The following ZBTB46 variants were observed in gnomAD, a reference collection of about 807,000 sequenced individuals.
ZBTB46 encodes zinc finger and BTB domain-containing protein 46.
In ZBTB46, 8 loss-of-function variants were observed where a neutral mutation model predicts 44.1. The ratio of observed to expected loss-of-function variants is 0.18; its 90% confidence interval spans 0.11 to 0.33. The LOEUF (loss-of-function observed/expected upper bound fraction) is 0.33. ZBTB46 is among the 10% of genes least tolerant of loss of function. ZBTB46 has a pLI of 1.00. For synonymous variants in ZBTB46, 409 were observed against 382.3 expected (o/e 1.07, Z -0.81); for missense variants, 651 against 847.7 (o/e 0.77, Z 2.88).
chr20:63,780,202 CAG>C (rs2092457737), intron 2 of ZBTB46, among the ~76,000 whole-genome samples: 1 of 148,872 alleles, frequency 6.7e-6, no homozygotes, highest in Non-Finnish European at 1.5e-5. Flanking sequence ...ACCAGGGAGA[CAG>C]AGGTTGCGGT....
intron 1 of ZBTB46, among the ~76,000 whole-genome samples, chr20:63,815,782 A>G (rs1161652839): frequency 1.1e-4 from 13 of 121,048 alleles, no homozygotes; most frequent in African/African-American, 4.2e-4. Flanking sequence ...ACAAGTGCAG[A>G]AGGTGCAGGT....
In ZBTB46 at chr20:63,795,222, G is replaced by A. The variant is rs150781190; in HGVS notation, c.-33-4432C>T. On this transcript the variant is annotated intron_variant, in intron 1 of 4. Transcript: ENST00000245663. ...CTTCCCTTCAAACAGAATCGCTTAT[G>A]AAACGGGCATCAGCATAACCACTCT... 2.5e-3 allele frequency among the ~76,000 whole-genome samples: 377 copies of A among 152,334 alleles called. 2 individuals carry two copies. Among genetic ancestry groups the A allele is most frequent in the African/African-American group, 8.6e-3 (359 of 41,574 alleles).
At chr20:63,830,933 G>GC (rs1218994635) in intron 1 of ZBTB46, among the ~76,000 whole-genome samples, 164 bp downstream of exon 1, 1 of 141,552 alleles carries the variant, frequency 7.1e-6, no homozygotes, top group Non-Finnish European at 1.6e-5. Context: ...AGCGCCGATG[G>GC]CCCCCGGGAG....
intron 1 of ZBTB46, among the ~76,000 whole-genome samples, chr20:63,811,011 C>G (rs2092714615): frequency 6.6e-6 from 1 of 152,248 alleles, no homozygotes; most frequent in South Asian, 2.1e-4. Flanking sequence ...CACTGGAGAG[C>G]ACCAGCCGGC....
chr20:63,809,806 A>G (rs532830450), intron 1 of ZBTB46, among the ~76,000 whole-genome samples: 15 of 152,148 alleles, frequency 9.9e-5, no homozygotes, highest in Middle Eastern at 3.4e-3. Context: ...TACAAAAAAT[A>G]GAAAAAATTA....
In ZBTB46 at chr20:63,787,737, G is replaced by A. The variant is rs535712190; in HGVS notation, c.937+2084C>T. On this transcript the variant is annotated intron_variant, in intron 2 of 4. Transcript: ENST00000245663. The surrounding 1 kb of genome is among the most constrained non-coding windows in gnomAD (Gnocchi z 4.6). Reference sequence around the variant, plus strand: ...AGCAACGCGTGACTTTAATGCCAGTGAAATGTACATTTGAAAATGGTTAAA... The same window carrying A: ...AGCAACGCGTGACTTTAATGCCAGTAAAATGTACATTTGAAAATGGTTAAA... 6.6e-6 allele frequency: 1 copy of A among 152,340 alleles called. No individual in the cohort carries two copies. Among genetic ancestry groups the A allele is most frequent in the African/African-American group, 2.4e-5 (1 of 41,574 alleles). 9.4% of individuals were successfully genotyped at this position (152,340 alleles called of 1,614,324 possible). A position where few individuals can be genotyped will look rare whatever the true frequency, so the allele number is the denominator to read the frequency against.
At chr20:63,822,556 C>T (rs2092798174) in intron 1 of ZBTB46, among the ~76,000 whole-genome samples, 1 of 152,194 alleles carries the variant, frequency 6.6e-6, no homozygotes. Context: ...CTTCCTCACC[C>T]TCCCACGCTT....
In ZBTB46 at chr20:63,767,415, G is replaced by A. The variant is rs1322991743; in HGVS notation, c.1222+8263C>T. 6.6e-6 allele frequency among the ~76,000 whole-genome samples: 1 copy of A among 152,148 alleles called. No individual in the cohort carries two copies. The highest frequency in any genetic ancestry group is 2.4e-5 in the African/African-American group (1 of 41,408). On this transcript the variant is annotated intron_variant, in intron 3 of 4. Coordinates refer to ENST00000245663, the MANE Select transcript of ZBTB46 (RefSeq NM_001369741.1). The surrounding 1 kb of genome is among the most constrained non-coding windows in gnomAD (Gnocchi z 5.0). The stretch of plus-strand genomic sequence containing the variant: ...TGCCTTCACCTGGCAGCAGCCGGCA[G>A]AGGACTCGAGAAATGACCACAGAAA...
At chr20:63,766,839 G>A (rs2092324498) in intron 3 of ZBTB46, among the ~76,000 whole-genome samples, 1 of 152,214 alleles carries the variant, frequency 6.6e-6, no homozygotes, top group South Asian at 2.1e-4. Flanking sequence ...TCCGGAAAGG[G>A]GATGGGCTGT....
At position 63,791,604 on chromosome 20, in the gene ZBTB46, G is replaced by A. The variant is rs905839774; in HGVS notation, c.-33-814C>T. Among the ~76,000 whole-genome samples, 4 of 151,342 alleles carry A rather than the reference G, an allele frequency of 2.6e-5. No individual in the cohort carries two copies. The South Asian group carries it at 6.3e-4, about 24-fold the overall frequency. ...AATTTCCAAAACTCTGAGCTCAAAC[G>A]AGCTGAAGTCTTCTGGAGGAGGGAG... On this transcript the variant is annotated intron_variant, in intron 1 of 4. Coordinates refer to ENST00000245663, the MANE Select transcript of ZBTB46 (RefSeq NM_001369741.1).
chr20:63,762,012 T>A lies in ZBTB46; in HGVS notation c.1223-9151A>T, dbSNP rs542856178. Among the ~76,000 whole-genome samples, 765 of 152,292 alleles carry A rather than the reference T, an allele frequency of 5.0e-3. 5 individuals carry two copies. Among genetic ancestry groups the A allele is most frequent in the African/African-American group, 0.015 (606 of 41,546 alleles). Reference sequence around the variant, plus strand: ...TGGTTGGTCTATTTTGGTAAATGTTTCCTGTCCATTTGGAATATCCTGCAC... The same window carrying A: ...TGGTTGGTCTATTTTGGTAAATGTTACCTGTCCATTTGGAATATCCTGCAC... On this transcript the variant is annotated intron_variant, in intron 3 of 4. Coordinates refer to ENST00000245663, the MANE Select transcript of ZBTB46 (RefSeq NM_001369741.1).
rs1019934459 is a variant in ZBTB46, at chr20:63,831,080, G to T, written c.-34+17C>A. 2 of 141,136 alleles carry T rather than the reference G, an allele frequency of 1.4e-5. No individual in the cohort carries two copies. The highest frequency in any genetic ancestry group is 3.1e-5 in the Non-Finnish European group (2 of 63,820). 8.7% of individuals were successfully genotyped at this position (141,136 alleles called of 1,614,324 possible). ...GCGCCCGCCCGGCCGCGCGGACAAT[G>T]AGCCGGCGCCGCTTACCTGTGACCC... On this transcript the variant is annotated intron_variant, in intron 1 of 4. Transcript: ENST00000245663.
intron 4 of ZBTB46, among the ~76,000 whole-genome samples, chr20:63,749,017 C>T (rs1475126897): frequency 6.6e-6 from 1 of 152,240 alleles, no homozygotes; most frequent in Non-Finnish European, 1.5e-5. Flanking sequence ...GGCCGACAGG[C>T]CACCCAGCAC....
At chr20:63,800,862 C>T (rs1362996252) in intron 1 of ZBTB46, among the ~76,000 whole-genome samples, 1 of 152,246 alleles carries the variant, frequency 6.6e-6, no homozygotes, top group African/African-American at 2.4e-5. Context: ...GACGAGTGCC[C>T]CTCCCTGCTC....
At chr20:63,833,788 T>G (rs1457839734), upstream of ZBTB46, among the ~76,000 whole-genome samples, 1 of 152,018 alleles carries the variant, frequency 6.6e-6, no homozygotes, top group Non-Finnish European at 1.5e-5. Context: ...AGACAGTATG[T>G]CAAAAAGGAA....
chr20:63,790,505 C>T lies in ZBTB46; in HGVS notation c.253G>A (p.Ala85Thr), dbSNP rs764614380. ...GCTGAGTACATGAAGTCGATGATGG[C>T]CTTGAAGCCCTGGGCCGTGACGATG... The part of the protein sequence containing the change: ...LDIVTAQGFK[A>T]IIDFMYSAHL... Residue 85 changes from alanine to threonine, a missense_variant, in exon 2 of 5, where the codon GCC becomes ACC. Coordinates refer to ENST00000245663, the MANE Select transcript of ZBTB46 (RefSeq NM_001369741.1). The T allele has an allele frequency of 1.2e-6, 2 of 1,612,974 alleles. No homozygotes were observed. The highest frequency in any genetic ancestry group is 2.2e-5 in the South Asian group (2 of 91,080).
At position 63,755,873 on chromosome 20, in the gene ZBTB46, C is replaced by T. The variant is rs1439332845; in HGVS notation, c.1223-3012G>A. ...AGATCATTACACGGAAACGGGCACT[C>T]TCACGACCTGTCCTAAAAACGGAAC... On this transcript the variant is annotated intron_variant, in intron 3 of 4. Transcript: ENST00000245663. 3.3e-5 allele frequency among the ~76,000 whole-genome samples: 5 copies of T among 152,280 alleles called. No individual in the cohort carries two copies. The South Asian group carries it at 1.0e-3, about 32-fold the overall frequency.
At chr20:63,785,817 C>T (rs1439474018) in intron 2 of ZBTB46, among the ~76,000 whole-genome samples, 1 of 152,204 alleles carries the variant, frequency 6.6e-6, no homozygotes, top group South Asian at 2.1e-4. Context: ...GTGTCCTCAT[C>T]TTAGCAACTC....
In ZBTB46 at chr20:63,789,800, CG is replaced by C. The variant is rs141766492; in HGVS notation, c.937+20del. Reference sequence around the variant, plus strand: ...GGACACACTGGGGCAGCTGAGCCCCCGTAACGAGTGAAAGGCTTACTTGAGT... The same window carrying C: ...GGACACACTGGGGCAGCTGAGCCCCCTAACGAGTGAAAGGCTTACTTGAGT... On this transcript the variant is annotated intron_variant, in intron 2 of 4. Transcript: ENST00000245663. The C allele has an allele frequency of 2.9e-3, 4,587 of 1,589,614 alleles. 124 individuals are homozygous for C. The African/African-American group carries it at 0.054, about 19-fold the overall frequency.
Sources: gnomAD v4.1 joint callset for allele counts (sites outside exome capture counted in the v4.1 genomes callset) on GRCh38, gnomAD v4.1.1 for gene constraint, Gnocchi (gnomAD v3.1) non-coding constraint, MANE v1.5 for transcripts, NCBI Gene and HGNC (gene_info 2026-07-23, HGNC 2026-07-21) for gene names.